The following BCL2L13 variants were observed in gnomAD, a reference collection of about 807,000 sequenced individuals.
The protein encoded by BCL2L13 is BCL2 like 13.
In BCL2L13, 13 loss-of-function variants were observed where a neutral mutation model predicts 25.8. That is an observed-to-expected ratio of 0.50 (90% CI 0.33 to 0.80). The LOEUF (loss-of-function observed/expected upper bound fraction) is 0.80, where lower values mean the gene tolerates loss of function less well. Ranked by LOEUF, BCL2L13 falls within the 30% of genes least tolerant of loss-of-function variation. BCL2L13 has a pLI of 0.02. For missense variants in BCL2L13, 504 were observed against 574.9 expected (o/e 0.88, Z 1.26); for synonymous variants, 244 against 230.3 (o/e 1.06, Z -0.54).
chr22:17,706,955 A>G, intron 6 of BCL2L13: 1 of 647,948 alleles, frequency 1.5e-6, no homozygotes, highest in Admixed American at 3.1e-5. Flanking sequence ...AGTATTTTGA[A>G]TAAAATTAAT....
At chr22:17,656,980 G>A (rs1247753098) in intron 2 of BCL2L13, among the ~76,000 whole-genome samples, 4 of 152,164 alleles carry the variant, frequency 2.6e-5, no homozygotes, top group East Asian at 1.9e-4. Flanking sequence ...TGCCACGCCC[G>A]GCTAGTTTTT....
At chr22:17,697,161 G>A (rs558567928) in intron 5 of BCL2L13, among the ~76,000 whole-genome samples, 159 of 151,970 alleles carry the variant, frequency 1.0e-3, no homozygotes, top group African/African-American at 3.0e-3. Context: ...AATTTCGGCC[G>A]GGTGCAGTGG....
intron 1 of BCL2L13, among the ~76,000 whole-genome samples, chr22:17,630,586 C>CT (rs34181282): frequency 0.14 from 18,001 of 126,124 alleles, 1,676 homozygotes; most frequent in Middle Eastern, 0.2. Flanking sequence ...CCTTCTTTTT[C>CT]TTTTCTTTTT....
intron 6 of BCL2L13, among the ~76,000 whole-genome samples, chr22:17,711,354 G>A (rs941910383): frequency 1.4e-5 from 2 of 142,174 alleles, no homozygotes; most frequent in African/African-American, 5.4e-5. Flanking sequence ...CTGGAGCGCA[G>A]TGGCACAATC....
At chr22:17,693,502 C>A (rs1471802789) in intron 4 of BCL2L13, among the ~76,000 whole-genome samples, 2 of 150,762 alleles carry the variant, frequency 1.3e-5, no homozygotes, top group African/African-American at 4.9e-5. Flanking sequence ...GCCTCAGTCT[C>A]CTGAGTAGCT....
At chr22:17,630,235 A>C (rs1229447226) in intron 1 of BCL2L13, among the ~76,000 whole-genome samples, 5 of 151,844 alleles carry the variant, frequency 3.3e-5, no homozygotes, top group East Asian at 3.9e-4. Flanking sequence ...CAAAAAAAAA[A>C]AAAACAAATT....
intron 3 of BCL2L13, among the ~76,000 whole-genome samples, chr22:17,683,890 T>G (rs1269877303): frequency 1.3e-5 from 2 of 148,412 alleles, no homozygotes; most frequent in Non-Finnish European, 3.0e-5. Flanking sequence ...TATTACTATT[T>G]CAGAGACAGG....
At chr22:17,656,791 T>C (rs567479148) in intron 2 of BCL2L13, among the ~76,000 whole-genome samples, 1 of 152,238 alleles carries the variant, frequency 6.6e-6, no homozygotes, top group South Asian at 2.1e-4. Context: ...TTCTACTAAG[T>C]GTTCCATCAT....
intron 6 of BCL2L13, among the ~76,000 whole-genome samples, chr22:17,705,586 C>T (rs937662235): frequency 1.3e-5 from 2 of 151,872 alleles, no homozygotes; most frequent in African/African-American, 4.8e-5. Context: ...CGTGAGCCAC[C>T]GCGCCCGGCC....
chr22:17,628,903 A>C (rs547636826), upstream of BCL2L13: 1 of 524,258 alleles, frequency 1.9e-6, no homozygotes, highest in African/African-American at 1.9e-5. Context: ...TCGTGACCTG[A>C]CCGGTATTTT....
At chr22:17,666,631 A>G (rs568192677) in intron 2 of BCL2L13, among the ~76,000 whole-genome samples, 4 of 149,664 alleles carry the variant, frequency 2.7e-5, no homozygotes, top group African/African-American at 9.8e-5. Context: ...ACTTAACACA[A>G]TGACTTCCAG....
chr22:17,628,899 C>G, upstream of BCL2L13: 1 of 535,234 alleles, frequency 1.9e-6, no homozygotes, highest in Non-Finnish European at 3.4e-6. Context: ...TGACTCGTGA[C>G]CTGACCGGTA....
chr22:17,723,750 T>C (rs577384514), intron 6 of BCL2L13, among the ~76,000 whole-genome samples: 2 of 152,128 alleles, frequency 1.3e-5, no homozygotes, highest in African/African-American at 4.8e-5. Flanking sequence ...CTGGCCAACA[T>C]GGTGAAACCC....
rs757650090 is a variant in BCL2L13 at position 17,726,862 on chromosome 22, G to A, written c.786G>A (p.Trp262Ter). 3 of 1,613,970 alleles carry A rather than the reference G, an allele frequency of 1.9e-6. No individual in the cohort carries two copies. Among genetic ancestry groups the A allele is most frequent in the Admixed American group, 3.3e-5 (2 of 60,002 alleles). ...TGTCACTGTCAGCTAGCCAGAGTTGGCACACAGAAAGCCTGCCAGTGTCAC... is the reference window on the plus strand; with the variant it reads ...TGTCACTGTCAGCTAGCCAGAGTTGACACACAGAAAGCCTGCCAGTGTCAC... ...LPVSLSASQS[W>*]HTESLPVSLG... Residue 262 changes from tryptophan (W) to a stop codon, truncating the protein, a stop_gained, in exon 7 of 7, where the codon TGG (tryptophan) becomes TGA (stop). Coordinates refer to ENST00000317582, the MANE Select transcript of BCL2L13 (RefSeq NM_015367.4). LOFTEE classifies it low-confidence loss of function (END_TRUNC).
intron 6 of BCL2L13, among the ~76,000 whole-genome samples, chr22:17,715,152 ATATATATATATATATATATTTTTTTTT>A (rs1319320927): frequency 0.048 from 279 of 5,822 alleles, 4 homozygotes; most frequent in South Asian, 0.18. Context: ...ATATATATAT[ATATATATATATATATATATTTTTTTTT>A]TTTTTTTTTT....
At position 17,660,395 on chromosome 22, in the gene BCL2L13, A is replaced by C. The variant is rs972126911; in HGVS notation, c.121+4563A>C. 4.8e-5 allele frequency among the ~76,000 whole-genome samples: 7 copies of C among 145,914 alleles called. 1 individual carries two copies. Among genetic ancestry groups the C allele is most frequent in the African/African-American group, 1.5e-4 (6 of 41,110 alleles). Reference sequence around the variant, plus strand: ...GAATGTATTTTTATAAATTGATCAGATTGGTTTATTTCTACACTTACTGAT... The same window carrying C: ...GAATGTATTTTTATAAATTGATCAGCTTGGTTTATTTCTACACTTACTGAT... On this transcript the variant is annotated intron_variant, in intron 2 of 6. Coordinates refer to ENST00000317582, the MANE Select transcript of BCL2L13 (RefSeq NM_015367.4).
chr22:17,695,840 G>T (rs1045986949), intron 4 of BCL2L13: 2 of 240,022 alleles, frequency 8.3e-6, no homozygotes, highest in South Asian at 9.3e-5. Flanking sequence ...AATAATTCAG[G>T]TATTTCTTTG....
chr22:17,726,849 C>G lies in BCL2L13; in HGVS notation c.773C>G (p.Ala258Gly), dbSNP rs1362941630. ...QSESLPVSLS[A>G]SQSWHTESLP... is the part of the protein sequence containing the mutation. The stretch of plus-strand genomic sequence containing the variant: ...GAGAGCTTACCTGTGTCACTGTCAG[C>G]TAGCCAGAGTTGGCACACAGAAAGC... The change falls in exon 7 of 7, where the codon GCT becomes GGT. Residue 258 changes from alanine to glycine, a missense_variant. Coordinates refer to ENST00000317582, the MANE Select transcript of BCL2L13 (RefSeq NM_015367.4). 1 of 1,613,874 alleles carries G rather than the reference C, an allele frequency of 6.2e-7. No homozygotes were observed. Among genetic ancestry groups the G allele is most frequent in the Non-Finnish European group, 8.5e-7 (1 of 1,179,850 alleles).
At chr22:17,679,878 A>T (rs969170014) in intron 2 of BCL2L13, among the ~76,000 whole-genome samples, 3 of 152,020 alleles carry the variant, frequency 2.0e-5, no homozygotes, top group Non-Finnish European at 4.4e-5. Flanking sequence ...GTGTAATAGA[A>T]ATTGACACAA....
Sources: allele counts gnomAD v4.1 joint callset (sites outside exome capture counted in the v4.1 genomes callset), GRCh38; gene constraint gnomAD v4.1.1; transcripts MANE v1.5; gene names NCBI Gene and HGNC (gene_info 2026-07-23, HGNC 2026-07-21).